ASIC2: variants seen among roughly 807,000 people sequenced by gnomAD.
The protein encoded by ASIC2 is acid-sensing ion channel 2.
A neutral mutation model predicts 57.3 loss-of-function variants in ASIC2; 25 were observed. The observed-to-expected ratio is 0.44, with a 90% confidence interval of 0.32 to 0.61. The LOEUF is 0.61. Ranked by LOEUF, ASIC2 falls within the 20% of genes least tolerant of loss-of-function variation. The probability of loss-of-function intolerance (pLI) is 0.06; values close to 1 mark genes in which losing one functional copy is unlikely to be tolerated. For synonymous variants in ASIC2, 319 were observed against 307.5 expected, an observed-to-expected ratio of 1.04 and a Z score of -0.39; for missense variants, 641 against 738.1, an observed-to-expected ratio of 0.87 and a Z score of 1.52.
intron 1 of ASIC2, among the ~76,000 whole-genome samples, chr17:33,750,476 C>G (rs553598918): frequency 6.6e-6 from 1 of 152,086 alleles, no homozygotes; most frequent in African/African-American, 2.4e-5. Context: ...CGCTAGGAAC[C>G]TTTACATTCC....
At chr17:33,065,704 G>A (rs960597895) in intron 3 of ASIC2, among the ~76,000 whole-genome samples, 1 of 152,142 alleles carries the variant, frequency 6.6e-6, no homozygotes, top group Non-Finnish European at 1.5e-5. Context: ...AGAAGTAGAG[G>A]TAAGGGAATG....
chr17:34,023,362 C>T (rs1348421882), intron 1 of ASIC2, among the ~76,000 whole-genome samples: 1 of 132,216 alleles, frequency 7.6e-6, no homozygotes, highest in East Asian at 2.2e-4. Context: ...CTTTCTCTCT[C>T]TCTCTCTCTG....
intron 1 of ASIC2, chr17:33,932,741 A>AAAAAAAATATATATAT (rs1555572867): frequency 1.7e-5 from 1 of 58,716 alleles, no homozygotes; most frequent in Admixed American, 2.5e-4. Flanking sequence ...AAAAAAAAAA[A>AAAAAAAATATATATAT]ATATATATAT....
chr17:33,479,319 T>C (rs545599440), intron 1 of ASIC2, among the ~76,000 whole-genome samples: 1 of 152,182 alleles, frequency 6.6e-6, no homozygotes, highest in East Asian at 1.9e-4. Context: ...TTTAAAACCA[T>C]GTGTTGAGCT....
chr17:33,807,658 C>T (rs1169991897), intron 1 of ASIC2, among the ~76,000 whole-genome samples: 7 of 152,110 alleles, frequency 4.6e-5, no homozygotes, highest in Non-Finnish European at 7.4e-5. Flanking sequence ...TAATCTTGGG[C>T]CCCTCCTCAT....
chr17:33,563,099 G>T (rs1170047825), intron 1 of ASIC2, among the ~76,000 whole-genome samples: 2 of 152,126 alleles, frequency 1.3e-5, no homozygotes, highest in African/African-American at 4.8e-5. Flanking sequence ...CCAGCCACCC[G>T]TCAAACTGGG....
chr17:33,128,913 A>T (rs2092334719), intron 1 of ASIC2, among the ~76,000 whole-genome samples: 1 of 152,238 alleles, frequency 6.6e-6, no homozygotes, highest in South Asian at 2.1e-4. Flanking sequence ...GAATCAGTGA[A>T]TACGTCCATA....
chr17:33,853,535 C>T (rs551570407), intron 1 of ASIC2, among the ~76,000 whole-genome samples: 47 of 152,280 alleles, frequency 3.1e-4, no homozygotes, highest in African/African-American at 1.0e-3. Context: ...ACTCCAGTTC[C>T]GTAAGGACGA....
chr17:33,924,683 C>T (rs570515449), intron 1 of ASIC2, among the ~76,000 whole-genome samples: 8 of 152,148 alleles, frequency 5.3e-5, no homozygotes, highest in Non-Finnish European at 1.0e-4. Context: ...TGATTTAATC[C>T]GGGCATTGTG....
chr17:34,084,030 G>T (rs1043561415), intron 1 of ASIC2, among the ~76,000 whole-genome samples: 34 of 151,932 alleles, frequency 2.2e-4, no homozygotes, highest in Admixed American at 7.9e-4. Context: ...AGTTTAATTA[G>T]ATCCCATTTG....
chr17:33,408,721 C>G (rs1165561834), intron 1 of ASIC2, among the ~76,000 whole-genome samples: 1 of 152,050 alleles, frequency 6.6e-6, no homozygotes, highest in Non-Finnish European at 1.5e-5. Flanking sequence ...GAGAAGAGGT[C>G]CAGAAACCAC....
At chr17:33,721,933 G>A (rs532548915) in intron 1 of ASIC2, among the ~76,000 whole-genome samples, 1 of 152,348 alleles carries the variant, frequency 6.6e-6, no homozygotes, top group South Asian at 2.1e-4. Flanking sequence ...CACATCAAAA[G>A]ACATGGCTGA....
At chr17:33,332,234 C>A (rs1369394084) in intron 1 of ASIC2, among the ~76,000 whole-genome samples, 2 of 152,118 alleles carry the variant, frequency 1.3e-5, no homozygotes, top group Non-Finnish European at 2.9e-5. Flanking sequence ...ACCAGCGCTG[C>A]CTTACAGAAA....
chr17:33,192,449 CAA>C (rs1193177763), intron 1 of ASIC2, among the ~76,000 whole-genome samples: 13 of 141,392 alleles, frequency 9.2e-5, no homozygotes, highest in Admixed American at 1.4e-4. Flanking sequence ...CAAAACAAAA[CAA>C]AACACAACCA....
At chr17:33,051,824 T>G (rs1254170028) in intron 3 of ASIC2, among the ~76,000 whole-genome samples, 2 of 152,200 alleles carry the variant, frequency 1.3e-5, no homozygotes, top group Non-Finnish European at 2.9e-5. Flanking sequence ...TTGTCTGCCT[T>G]AAGAAAATCC....
Position 33,564,210 on chromosome 17 carries a change from C to T in ASIC2, c.556-452143G>A, listed in dbSNP as rs72823275. On this transcript the variant is annotated intron_variant, in intron 1 of 9. Coordinates refer to the ASIC2 transcript ENST00000359872. ...CTTGTCTCTGTCTGTCTTCCTCTCT[C>T]GTTTTAAAGCCTGCATCCCTATCTC... Among the ~76,000 whole-genome samples, 10 of 152,294 alleles carry T rather than the reference C, an allele frequency of 6.6e-5. No homozygotes were observed. The South Asian group carries it at 1.5e-3, about 22-fold the overall frequency.
At chr17:33,809,601 A>T (rs1204676475) in intron 1 of ASIC2, among the ~76,000 whole-genome samples, 4 of 152,074 alleles carry the variant, frequency 2.6e-5, no homozygotes, top group Non-Finnish European at 4.4e-5. Context: ...TGCACATGGA[A>T]CTCGTGAGTT....
At chr17:33,374,365 T>C (rs1262834323) in intron 1 of ASIC2, among the ~76,000 whole-genome samples, 1 of 152,158 alleles carries the variant, frequency 6.6e-6, no homozygotes, top group Non-Finnish European at 1.5e-5. Flanking sequence ...CGGTGACTCA[T>C]GACTCAATGG....
intron 1 of ASIC2, among the ~76,000 whole-genome samples, chr17:33,241,904 G>A (rs927008168): frequency 2.6e-5 from 4 of 152,200 alleles, no homozygotes; most frequent in African/African-American, 9.7e-5. Flanking sequence ...CAATCGTGGA[G>A]GGATCCACTT....
Sources: allele counts gnomAD v4.1 joint callset (sites outside exome capture counted in the v4.1 genomes callset), GRCh38; gene constraint gnomAD v4.1.1; transcripts MANE v1.5; gene names NCBI Gene and HGNC (gene_info 2026-07-23, HGNC 2026-07-21).